The following ANKRD31 variants were observed in gnomAD, a reference collection of about 807,000 sequenced individuals.
ANKRD31 encodes ankyrin repeat domain-containing protein 31.
ANKRD31 carries 147 observed loss-of-function variants against 186.0 expected under a neutral mutation model. That is an observed-to-expected ratio of 0.79 (90% CI 0.69 to 0.91). The LOEUF (loss-of-function observed/expected upper bound fraction) is 0.91, where lower values mean the gene tolerates loss of function less well. Ranked by LOEUF, ANKRD31 falls within the 40% of genes least tolerant of loss-of-function variation. The pLI is 0.00. For synonymous variants in ANKRD31, 673 were observed against 736.4 expected (o/e 0.91, Z 1.39); for missense variants, 1,986 against 2,148.8 (o/e 0.92, Z 1.50).
intron 6 of ANKRD31, 106 bp from the exon 7 acceptor site, chr5:75,196,306 A>C: frequency 1.1e-6 from 1 of 881,106 alleles, no homozygotes; most frequent in Non-Finnish European, 1.6e-6. Flanking sequence ...GCTACCCTCA[A>C]AATTTATCAT....
chr5:75,098,251 T>G (rs1746499825), intron 22 of ANKRD31, among the ~76,000 whole-genome samples: 1 of 152,116 alleles, frequency 6.6e-6, no homozygotes, highest in Non-Finnish European at 1.5e-5. Context: ...CCTCCCAAAG[T>G]GCTGGGATTA....
intron 10 of ANKRD31, 28 bp downstream of exon 10, chr5:75,188,465 G>A (rs1213529366): frequency 1.3e-6 from 2 of 1,523,664 alleles, no homozygotes; most frequent in Non-Finnish European, 1.8e-6. Context: ...CACTCTTAAG[G>A]TAACTGTGGG....
At chr5:75,172,172 C>T (rs1257891796) in intron 10 of ANKRD31, among the ~76,000 whole-genome samples, 1 of 151,642 alleles carries the variant, frequency 6.6e-6, no homozygotes, top group Non-Finnish European at 1.5e-5. Context: ...TATAGCAAAT[C>T]GAATCCAGCC....
At chr5:75,207,363 T>C (rs187119390) in intron 4 of ANKRD31, among the ~76,000 whole-genome samples, 2 of 152,276 alleles carry the variant, frequency 1.3e-5, no homozygotes, top group Middle Eastern at 3.4e-3. Context: ...AAGAACAAGC[T>C]GAAAGCAAAA....
intron 20 of ANKRD31, among the ~76,000 whole-genome samples, chr5:75,108,118 G>T (rs1285171862): frequency 6.6e-6 from 1 of 150,936 alleles, no homozygotes; most frequent in Admixed American, 6.6e-5. Context: ...ATACTTTAGG[G>T]GTATGTATGT....
At chr5:75,072,482 T>C (rs1210874722) in intron 25 of ANKRD31, among the ~76,000 whole-genome samples, 1 of 152,060 alleles carries the variant, frequency 6.6e-6, no homozygotes, top group African/African-American at 2.4e-5. Context: ...GAAGATGGAG[T>C]AGAAAGACTT....
chr5:75,190,081 G>A (rs1231272802), intron 9 of ANKRD31, among the ~76,000 whole-genome samples: 2 of 151,558 alleles, frequency 1.3e-5, no homozygotes, highest in Non-Finnish European at 2.9e-5. Flanking sequence ...GTGCAGTGGT[G>A]CAATCACGGC....
chr5:75,127,688 G>T (rs550873250), intron 17 of ANKRD31, among the ~76,000 whole-genome samples: 1 of 152,190 alleles, frequency 6.6e-6, no homozygotes, highest in South Asian at 2.1e-4. Context: ...TAAGACTATT[G>T]TATTTGTACT....
In ANKRD31 at chr5:75,222,346, G is replaced by T. The variant is rs984385355; in HGVS notation, c.191C>A (p.Pro64His). The T allele has an allele frequency of 3.3e-6, 5 of 1,535,658 alleles. No individual in the cohort carries two copies. In the African/African-American group the frequency reaches 6.9e-5, roughly 21 times the overall value. ...GAGCTTAAATCCAAGTTGAATCTCAGGAGAAGGCATGCCTAGAGTGAAACA... is the reference window on the plus strand; with the variant it reads ...GAGCTTAAATCCAAGTTGAATCTCATGAGAAGGCATGCCTAGAGTGAAACA... ...TRGMCKGMPS[P>H]EIQLGFKLRE... The change falls in exon 3 of 26, where the codon CCT becomes CAT. Residue 64 changes from proline to histidine, a missense_variant. Transcript: ENST00000506364.
intron 22 of ANKRD31, among the ~76,000 whole-genome samples, chr5:75,100,964 T>C (rs529594673): frequency 4.3e-4 from 65 of 152,316 alleles, no homozygotes; most frequent in Middle Eastern, 3.4e-3. Flanking sequence ...GATCCTGTTA[T>C]TATGATGTTA....
intron 11 of ANKRD31, among the ~76,000 whole-genome samples, chr5:75,155,973 C>A (rs1752140267): frequency 6.6e-6 from 1 of 151,344 alleles, no homozygotes; most frequent in African/African-American, 2.4e-5. Context: ...GTGGCATGAT[C>A]TTAGCTCACT....
chr5:75,192,786 C>G lies in ANKRD31; in HGVS notation c.1299-10G>C, dbSNP rs1755202642. 6.6e-7 allele frequency: 1 copy of G among 1,514,738 alleles called. No individual in the cohort carries two copies. The highest frequency in any genetic ancestry group is 1.7e-4 in the Middle Eastern group (1 of 5,930). The allele number at this position is 1,514,738 out of a possible 1,614,324, so 93.8% of individuals were successfully genotyped here. A position where few individuals can be genotyped will look rare whatever the true frequency, so the allele number is the denominator to read the frequency against. ...AGCCGGATCCTGCATTCTTGAAAAA[C>G]AACGTATTTTTTAAATGGCTATAAC... On this transcript the variant is annotated splice_polypyrimidine_tract_variant and intron_variant, in intron 8 of 25. Coordinates refer to ENST00000506364, the MANE Select transcript of ANKRD31 (RefSeq NM_001372053.1).
At chr5:75,223,893 GA>G (rs1757452453) in intron 2 of ANKRD31, among the ~76,000 whole-genome samples, 1 of 151,882 alleles carries the variant, frequency 6.6e-6, no homozygotes, top group Non-Finnish European at 1.5e-5. Flanking sequence ...GCACAAAGAG[GA>G]GGTCACGTGA....
chr5:75,194,704 T>A (rs1220227772), intron 7 of ANKRD31, among the ~76,000 whole-genome samples: 1 of 152,096 alleles, frequency 6.6e-6, no homozygotes, highest in Non-Finnish European at 1.5e-5. Context: ...ATTTAAGTAG[T>A]GCTACATTTG....
At chr5:75,115,080 A>G (rs1748105047) in intron 19 of ANKRD31, among the ~76,000 whole-genome samples, 1 of 151,904 alleles carries the variant, frequency 6.6e-6, no homozygotes, top group African/African-American at 2.4e-5. Context: ...ATGGAACAGA[A>G]CAGAGCCCTC....
At chr5:75,122,139 C>T (rs1402206056) in intron 17 of ANKRD31, among the ~76,000 whole-genome samples, 1 of 151,538 alleles carries the variant, frequency 6.6e-6, no homozygotes, top group Non-Finnish European at 1.5e-5. Context: ...GTAACTGATA[C>T]CACAGAGATA....
At chr5:75,105,358 C>T in intron 21 of ANKRD31, 140 bp from the exon 22 acceptor site, 2 of 937,718 alleles carry the variant, frequency 2.1e-6, no homozygotes, top group Non-Finnish European at 2.8e-6. Context: ...CAATTTACTG[C>T]CTTTGATTTT....
chr5:75,138,271 CT>C (rs1470084377), intron 16 of ANKRD31, among the ~76,000 whole-genome samples: 2 of 152,108 alleles, frequency 1.3e-5, no homozygotes, highest in African/African-American at 4.8e-5. Flanking sequence ...GTAAATACTA[CT>C]CATTTTGATT....
In ANKRD31 at chr5:75,147,231, C is replaced by A. The variant is rs1335760198; in HGVS notation, c.2180G>T (p.Gly727Val). The change falls in exon 14 of 26, where the codon GGT becomes GTT. Residue 727 changes from glycine to valine, a missense_variant. Gly to Val is a moderately radical substitution (Grantham distance 109). Transcript: ENST00000506364. ...VKDPNTNVPK[G>V]IGRRKTQHKR... ...ATGTTGTGTTTTTCTTCTTCCTATA[C>A]CTTTTGGTACGTTTGTGTTGGGATC... 2.0e-6 allele frequency: 3 copies of A among 1,535,966 alleles called. No homozygotes were observed. Among genetic ancestry groups the A allele is most frequent in the African/African-American group, 1.4e-5 (1 of 72,908 alleles).
Sources: allele counts gnomAD v4.1 joint callset (sites outside exome capture counted in the v4.1 genomes callset), GRCh38; gene constraint gnomAD v4.1.1; transcripts MANE v1.5; gene names NCBI Gene and HGNC (gene_info 2026-07-23, HGNC 2026-07-21).